The following CDON variants were observed in gnomAD, a reference collection of about 807,000 sequenced individuals.
The protein encoded by CDON is cell adhesion associated, oncogene regulated.
In CDON, 73 loss-of-function variants were observed where a neutral mutation model predicts 120.9. The observed-to-expected ratio is 0.60, with a 90% CI of 0.50 to 0.73. CDON has a LOEUF of 0.73. CDON is among the 30% of genes least tolerant of loss of function. The pLI is 0.00. For synonymous variants in CDON, 566 were observed against 573.5 expected (o/e 0.99, Z 0.19); for missense variants, 1,470 against 1,587.3 (o/e 0.93, Z 1.26).
Position 125,957,781 on chromosome 11 carries a change from A to G in CDON, c.*3161T>C, listed in dbSNP as rs1945524926. The G allele has an allele frequency of 6.6e-6, 1 of 152,222 alleles. No homozygotes were observed. The highest frequency in any genetic ancestry group is 2.1e-4 in the South Asian group (1 of 4,836). 9.4% of individuals were successfully genotyped at this position (152,222 alleles called of 1,614,324 possible). A position where few individuals can be genotyped will look rare whatever the true frequency, so the allele number is the denominator to read the frequency against. ...AGAAAGAAAGGCTTTTGCTAAGAACACTTCAAAAGGTTTAGAACATTGCAA... is the reference window on the plus strand; with the variant it reads ...AGAAAGAAAGGCTTTTGCTAAGAACGCTTCAAAAGGTTTAGAACATTGCAA... On this transcript the variant is annotated 3_prime_UTR_variant, in exon 20 of 20. Transcript: ENST00000531738.
chr11:125,966,271 C>T (rs778362652), intron 18 of CDON, among the ~76,000 whole-genome samples: 8 of 152,032 alleles, frequency 5.3e-5, no homozygotes, highest in Non-Finnish European at 8.8e-5. Flanking sequence ...AAGTAGATGA[C>T]AAGAATTTTA....
chr11:125,993,938 A>C (rs1946703199), intron 14 of CDON, among the ~76,000 whole-genome samples: 1 of 152,244 alleles, frequency 6.6e-6, no homozygotes, highest in Admixed American at 6.5e-5. Context: ...TCCAGTGAAA[A>C]TGAGTGAGAT....
At position 126,045,572 on chromosome 11, in the gene CDON, T is replaced by C. The variant is rs981652971; in HGVS notation, c.-62+17007A>G. Among the ~76,000 whole-genome samples, 4 of 152,336 alleles carry C rather than the reference T, an allele frequency of 2.6e-5. No homozygotes were observed. In the South Asian group the frequency reaches 8.3e-4, roughly 32 times the overall value. ...ACTTTGGAAATTCGTTTTAGTTTTA[T>C]AAGATGTTTCCATTTAGTTTATTTT... On this transcript the variant is annotated intron_variant, in intron 1 of 19. Transcript: ENST00000531738.
intron 1 of CDON, among the ~76,000 whole-genome samples, chr11:126,044,591 A>T (rs546327253): frequency 3.0e-4 from 46 of 152,340 alleles, no homozygotes; most frequent in South Asian, 1.7e-3. Flanking sequence ...TTGCAAAAAC[A>T]TGGATGGCAT....
chr11:126,024,011 ACT>A (rs1341398456), intron 1 of CDON, among the ~76,000 whole-genome samples: 1 of 152,194 alleles, frequency 6.6e-6, no homozygotes, highest in Non-Finnish European at 1.5e-5. Context: ...GACAGGTACT[ACT>A]GGTTTTTGTC....
At position 125,960,970 on chromosome 11, in the gene CDON, T is replaced by C. The variant is rs1945625525; in HGVS notation, c.3767A>G (p.Glu1256Gly). Residue 1256 changes from glutamate (E) to glycine (G), a missense_variant, in exon 20 of 20, where the codon GAG becomes GGG. Coordinates refer to ENST00000531738, the MANE Select transcript of CDON (RefSeq NM_001378964.1). ...PPGIPLDSPT[E>G]VLQQPRET ...GGTTTCCCGGGGCTGCTGAAGGACC[T>C]CTGTCGGGCTGTCTAAAGGAATGCC... 1.2e-6 allele frequency: 2 copies of C among 1,614,224 alleles called. No individual in the cohort carries two copies. The highest frequency in any genetic ancestry group is 8.5e-7 in the Non-Finnish European group (1 of 1,180,036).
intron 18 of CDON, among the ~76,000 whole-genome samples, chr11:125,975,679 GA>G (rs1946132925): frequency 6.6e-6 from 1 of 152,182 alleles, no homozygotes; most frequent in Non-Finnish European, 1.5e-5. Flanking sequence ...TGCTGAATGG[GA>G]AACTCTGGTC....
chr11:126,015,598 A>C (rs1947443105), intron 6 of CDON, 88 bp from the exon 7 acceptor site: 2 of 1,365,352 alleles, frequency 1.5e-6, no homozygotes, highest in Non-Finnish European at 1.0e-6. Context: ...TCTCTCTACC[A>C]ATAACCAGTT....
chr11:125,990,673 A>G (rs1390863631), intron 14 of CDON, among the ~76,000 whole-genome samples: 1 of 152,204 alleles, frequency 6.6e-6, no homozygotes, highest in African/African-American at 2.4e-5. Context: ...AAAGCAAAAC[A>G]AAACCACACA....
chr11:125,974,229 C>A (rs906957959), intron 18 of CDON, among the ~76,000 whole-genome samples: 18 of 151,890 alleles, frequency 1.2e-4, no homozygotes, highest in Non-Finnish European at 2.2e-4. Flanking sequence ...ATATGTCTCC[C>A]CTATTAAACT....
intron 8 of CDON, among the ~76,000 whole-genome samples, chr11:126,006,894 T>A (rs1307370339): frequency 6.6e-6 from 1 of 152,132 alleles, no homozygotes; most frequent in Non-Finnish European, 1.5e-5. Flanking sequence ...CATTTAATTC[T>A]CCAAACATTC....
chr11:125,974,051 A>G (rs1946079555), intron 18 of CDON, among the ~76,000 whole-genome samples: 1 of 151,900 alleles, frequency 6.6e-6, no homozygotes, highest in South Asian at 2.1e-4. Context: ...ACTTGCCACC[A>G]TGCCCAGCTA....
At chr11:125,968,488 T>C (rs545374898) in intron 18 of CDON, among the ~76,000 whole-genome samples, 65 of 152,206 alleles carry the variant, frequency 4.3e-4, no homozygotes, top group Non-Finnish European at 7.3e-4. Flanking sequence ...TATCAGCGTG[T>C]CGACACAGGT....
At chr11:126,042,119 G>A (rs1272820946) in intron 1 of CDON, among the ~76,000 whole-genome samples, 1 of 152,126 alleles carries the variant, frequency 6.6e-6, no homozygotes, top group Non-Finnish European at 1.5e-5. Flanking sequence ...CCCGACCTTA[G>A]GTGATCTGCC....
At chr11:125,978,929 C>T (rs1946217299) in intron 17 of CDON, among the ~76,000 whole-genome samples, 1 of 152,126 alleles carries the variant, frequency 6.6e-6, no homozygotes, top group Non-Finnish European at 1.5e-5. Context: ...AGTAGATCTT[C>T]AGCCAGCAAT....
chr11:126,005,707 C>G, intron 9 of CDON, 52 bp downstream of exon 9: 1 of 1,534,982 alleles, frequency 6.5e-7, no homozygotes, highest in African/African-American at 1.4e-5. Flanking sequence ...ATATGTTATA[C>G]AAAGAACGTT....
In CDON at chr11:125,995,008, C is replaced by T. The variant is rs1204227048; in HGVS notation, c.2407G>A (p.Glu803Lys). 1 of 1,614,016 alleles carries T rather than the reference C, an allele frequency of 6.2e-7. No homozygotes were observed. The highest frequency in any genetic ancestry group is 1.3e-5 in the African/African-American group (1 of 74,930). The change falls in exon 13 of 20, where the codon GAG becomes AAG. Residue 803 changes from glutamate to lysine, a missense_variant. Transcript: ENST00000531738. ...FRVIAINHYG[E>K]SFRSSASRPY... The stretch of plus-strand genomic sequence containing the variant: ...CGAGATGCTGAACTCCGAAAACTCT[C>T]ACCATAATGGTTGATGGCAATGACC...
At chr11:125,984,942 T>C (rs555373050) in intron 15 of CDON, among the ~76,000 whole-genome samples, 7 of 152,268 alleles carry the variant, frequency 4.6e-5, no homozygotes, top group East Asian at 1.9e-4. Flanking sequence ...TGCAGTACTT[T>C]TACCCGGTTC....
intron 15 of CDON, 71 bp downstream of exon 15, chr11:125,989,566 T>A (rs1271750377): frequency 2.8e-6 from 4 of 1,419,958 alleles, no homozygotes; most frequent in Middle Eastern, 1.9e-4. Context: ...CCAGAATATA[T>A]CAGTAGTCAG....
Sources: allele counts gnomAD v4.1 joint callset (sites outside exome capture counted in the v4.1 genomes callset), GRCh38; gene constraint gnomAD v4.1.1; transcripts MANE v1.5; gene names NCBI Gene and HGNC (gene_info 2026-07-23, HGNC 2026-07-21).